Variants in RBM20 observed in about 807,000 individuals in gnomAD.
The protein encoded by RBM20 is RNA-binding protein 20.
Under a neutral mutation model 110.1 loss-of-function variants are expected in RBM20, and 51 were observed. The observed-to-expected ratio is 0.46, with a 90% CI of 0.37 to 0.59. RBM20 has a LOEUF of 0.59. RBM20 is among the 20% of genes least tolerant of loss of function. The pLI is 0.00. For synonymous variants in RBM20, 589 were observed against 618.2 expected, an observed-to-expected ratio of 0.95 and a Z score of 0.70; for missense variants, 1,512 against 1,574.9, an observed-to-expected ratio of 0.96 and a Z score of 0.68.
intron 1 of RBM20, among the ~76,000 whole-genome samples, chr10:110,652,434 AAAAG>A (rs1168739536): frequency 6.6e-6 from 1 of 152,226 alleles, no homozygotes. Flanking sequence ...CTTTTACAAT[AAAAG>A]AAAACAATAA....
rs201331193 is a variant in RBM20 at position 110,727,404 on chromosome 10, AAT to A, written c.192-53395_192-53394del. On this transcript the variant is annotated intron_variant, in intron 1 of 13. Transcript: ENST00000369519. The stretch of plus-strand genomic sequence containing the variant: ...ATTTATTAAAAAGTCCGTCTCAAAA[AAT>A]AAAAATAAAAAAAAAATAAATAAAA... Among the ~76,000 whole-genome samples, 156 of 72,786 alleles carry A rather than the reference AAT, an allele frequency of 2.1e-3. No homozygotes were observed. The East Asian group carries it at 0.15, about 70-fold the overall frequency. The allele number at this position is 72,786 out of a possible 152,430, so 47.8% of individuals were successfully genotyped here. A position where few individuals can be genotyped will look rare whatever the true frequency, so the allele number is the denominator to read the frequency against.
At chr10:110,764,583 C>T (rs1050215351) in intron 1 of RBM20, among the ~76,000 whole-genome samples, 6 of 152,232 alleles carry the variant, frequency 3.9e-5, no homozygotes, top group East Asian at 1.9e-4. Context: ...GCGGGTATGC[C>T]GTGCTCAGGC....
At chr10:110,718,474 GT>G (rs1843461403) in intron 1 of RBM20, among the ~76,000 whole-genome samples, 1 of 150,398 alleles carries the variant, frequency 6.6e-6, no homozygotes, top group Non-Finnish European at 1.5e-5. Flanking sequence ...CTATCTGTAT[GT>G]TTGTATACAT....
intron 1 of RBM20, among the ~76,000 whole-genome samples, chr10:110,755,391 A>T (rs1321446200): frequency 6.6e-6 from 1 of 152,208 alleles, no homozygotes; most frequent in African/African-American, 2.4e-5. Flanking sequence ...TCAGCCTGGT[A>T]GGGATGTGCT....
intron 1 of RBM20, among the ~76,000 whole-genome samples, chr10:110,672,458 C>T (rs1310893111): frequency 1.3e-5 from 2 of 152,266 alleles, no homozygotes; most frequent in East Asian, 3.8e-4. Flanking sequence ...CTGCAGAGAC[C>T]TTCTCTCCGG....
chr10:110,650,126 C>T (rs1861925403), intron 1 of RBM20, among the ~76,000 whole-genome samples: 1 of 152,164 alleles, frequency 6.6e-6, no homozygotes, highest in Non-Finnish European at 1.5e-5. Flanking sequence ...TTATCACTGC[C>T]AGCTGTTGGG....
chr10:110,715,919 G>A (rs1863008840), intron 1 of RBM20, among the ~76,000 whole-genome samples: 1 of 152,220 alleles, frequency 6.6e-6, no homozygotes. Flanking sequence ...GAGGCAGAAA[G>A]CGTAATCCCC....
chr10:110,682,406 C>T (rs549590882), intron 1 of RBM20, among the ~76,000 whole-genome samples: 15 of 152,110 alleles, frequency 9.9e-5, no homozygotes, highest in African/African-American at 1.4e-4. Flanking sequence ...AAAGAGTTTT[C>T]GCTTTGCAGG....
intron 1 of RBM20, among the ~76,000 whole-genome samples, chr10:110,684,409 C>CAAAACAA (rs1564814957): frequency 6.6e-6 from 1 of 150,424 alleles, no homozygotes; most frequent in Non-Finnish European, 1.5e-5. Context: ...CAAAACAAAA[C>CAAAACAA]AAAACAAAAC....
chr10:110,826,108 C>T (rs921968742), intron 12 of RBM20, among the ~76,000 whole-genome samples: 1 of 152,206 alleles, frequency 6.6e-6, no homozygotes, highest in Non-Finnish European at 1.5e-5. Context: ...CTAAATTGCA[C>T]TCCAAAAAGA....
chr10:110,760,170 C>A (rs1441250592), intron 1 of RBM20, among the ~76,000 whole-genome samples: 1 of 152,184 alleles, frequency 6.6e-6, no homozygotes, highest in Admixed American at 6.5e-5. Context: ...TTGCAAAGAA[C>A]CTTCCCAGAA....
At chr10:110,752,788 C>A (rs537416412) in intron 1 of RBM20, among the ~76,000 whole-genome samples, 3 of 151,916 alleles carry the variant, frequency 2.0e-5, no homozygotes, top group Non-Finnish European at 4.4e-5. Flanking sequence ...GCCATCCCAG[C>A]CTCCTTCCTC....
At chr10:110,833,399 A>AAAAAAAAAAAAAAAAAAAAAAAC (rs71991649) in intron 13 of RBM20, among the ~76,000 whole-genome samples, 1 of 149,742 alleles carries the variant, frequency 6.7e-6, no homozygotes, top group Non-Finnish European at 1.5e-5. Flanking sequence ...AGAAAAAAAA[A>AAAAAAAAAAAAAAAAAAAAAAAC]AAAAAAAGAA....
intron 1 of RBM20, among the ~76,000 whole-genome samples, chr10:110,689,419 A>G (rs568065739): frequency 2.0e-5 from 3 of 152,344 alleles, no homozygotes; most frequent in South Asian, 2.1e-4. Flanking sequence ...GGAAAAATCA[A>G]TCAGACTAAG....
At chr10:110,770,790 G>A (rs1220284799) in intron 1 of RBM20, among the ~76,000 whole-genome samples, 1 of 152,206 alleles carries the variant, frequency 6.6e-6, no homozygotes, top group Non-Finnish European at 1.5e-5. Flanking sequence ...CACAGAACAT[G>A]GGGACCAGTC....
At chr10:110,738,642 G>T (rs1843696735) in intron 1 of RBM20, among the ~76,000 whole-genome samples, 1 of 152,248 alleles carries the variant, frequency 6.6e-6, no homozygotes, top group South Asian at 2.1e-4. Context: ...GGCATGGAAG[G>T]GGGGCTTTCC....
chr10:110,818,485 G>GT (rs11414643), intron 9 of RBM20, among the ~76,000 whole-genome samples: 139,942 of 152,238 alleles, frequency 0.92, 65,033 homozygotes, highest in Non-Finnish European at 0.98. Flanking sequence ...AACAGTTGGC[G>GT]TTTCAGTCTC....
chr10:110,786,053 T>A (rs1844415151), intron 5 of RBM20, among the ~76,000 whole-genome samples: 1 of 152,206 alleles, frequency 6.6e-6, no homozygotes, highest in Non-Finnish European at 1.5e-5. Context: ...CTAAGCTTCA[T>A]CTCTCCTTTT....
intron 13 of RBM20, chr10:110,835,445 C>T (rs1471095249): frequency 6.6e-6 from 1 of 152,022 alleles, no homozygotes; most frequent in Non-Finnish European, 1.5e-5. Flanking sequence ...AAGTGATTCT[C>T]CTGCCTCAGC....
Sources: allele counts gnomAD v4.1 joint callset (sites outside exome capture counted in the v4.1 genomes callset), GRCh38; gene constraint gnomAD v4.1.1; transcripts MANE v1.5; gene names NCBI Gene and HGNC (gene_info 2026-07-23, HGNC 2026-07-21).